USP10: variants seen among roughly 807,000 people sequenced by gnomAD.
USP10 encodes ubiquitin carboxyl-terminal hydrolase 10.
USP10 carries 22 observed loss-of-function variants against 84.5 expected under a neutral mutation model. That is an observed-to-expected ratio of 0.26 (90% confidence interval 0.19 to 0.37). The LOEUF (loss-of-function observed/expected upper bound fraction) is 0.37, where lower values mean the gene tolerates loss of function less well. Ranked by LOEUF, USP10 falls within the 10% of genes least tolerant of loss-of-function variation. The pLI is 1.00. For synonymous variants in USP10, 454 were observed against 387.6 expected (o/e 1.17, Z -2.01); for missense variants, 1,019 against 998.9 (o/e 1.02, Z -0.27).
At chr16:84,750,735 T>C (rs1246284715) in intron 4 of USP10, among the ~76,000 whole-genome samples, 1 of 152,246 alleles carries the variant, frequency 6.6e-6, no homozygotes, top group Non-Finnish European at 1.5e-5. Context: ...ATATTTTGTT[T>C]TAACAGAATA....
Position 84,745,069 on chromosome 16 carries a change from T to G in USP10, c.588T>G (p.Phe196Leu). Reference sequence around the variant, plus strand: ...GTGTCAGTGCAGAGGATGCAGAATTTATGGGTGACATGCCCCCGTCAGTTA... The same window carrying G: ...GTGTCAGTGCAGAGGATGCAGAATTGATGGGTGACATGCCCCCGTCAGTTA... ...PNSVSAEDAE[F>L]MGDMPPSVTP... The change falls in exon 4 of 14, where the codon TTT (phenylalanine) becomes TTG (leucine). Residue 196 changes from phenylalanine to leucine, a missense_variant. Around this residue, in one of 2 missense-constraint regions of USP10, gnomAD observed 787 missense variants for 708.8 expected, o/e 1.11. Coordinates refer to ENST00000219473, the MANE Select transcript of USP10 (RefSeq NM_005153.3). 6.2e-7 allele frequency: 1 copy of G among 1,613,692 alleles called. No individual in the cohort carries two copies. The highest frequency in any genetic ancestry group is 8.5e-7 in the Non-Finnish European group (1 of 1,179,640).
chr16:84,742,837 A>C (rs1225126347), intron 3 of USP10, among the ~76,000 whole-genome samples: 1 of 152,218 alleles, frequency 6.6e-6, no homozygotes, highest in East Asian at 1.9e-4. Flanking sequence ...ATTATAACAT[A>C]CTGAAATGGT....
intron 1 of USP10, among the ~76,000 whole-genome samples, chr16:84,714,859 A>T (rs981478591): frequency 6.6e-6 from 1 of 151,574 alleles, no homozygotes; most frequent in Non-Finnish European, 1.5e-5. Context: ...TTTAAAAGTA[A>T]TATCAAAAAC....
chr16:84,750,465 GACACCC>G (rs1911797187), intron 4 of USP10, among the ~76,000 whole-genome samples: 1 of 151,684 alleles, frequency 6.6e-6, no homozygotes, highest in African/African-American at 2.4e-5. Flanking sequence ...TGCAAAACGC[GACACCC>G]TTGTTAAGAG....
chr16:84,703,925 A>G (rs1905184435), intron 1 of USP10, among the ~76,000 whole-genome samples: 1 of 152,234 alleles, frequency 6.6e-6, no homozygotes, highest in Non-Finnish European at 1.5e-5. Flanking sequence ...TCACTAAAGC[A>G]AAAGTTAGGA....
intron 1 of USP10, among the ~76,000 whole-genome samples, chr16:84,717,274 C>T (rs1434863069): frequency 1.3e-5 from 2 of 152,102 alleles, no homozygotes; most frequent in Admixed American, 1.3e-4. Flanking sequence ...AATTCCCTTA[C>T]ATCAGTTTCT....
chr16:84,723,760 C>A (rs1043096373), intron 1 of USP10, among the ~76,000 whole-genome samples: 5 of 152,130 alleles, frequency 3.3e-5, no homozygotes, highest in Admixed American at 2.6e-4. Context: ...GTGAATTTCA[C>A]CCATTTAAAG....
chr16:84,736,033 C>A (rs1438939875), intron 2 of USP10, among the ~76,000 whole-genome samples: 1 of 151,190 alleles, frequency 6.6e-6, no homozygotes, highest in Non-Finnish European at 1.5e-5. Context: ...GAGGGCGTGT[C>A]ACTTGGACCT....
chr16:84,773,480 G>T (rs1031854643), intron 12 of USP10, among the ~76,000 whole-genome samples: 2 of 152,166 alleles, frequency 1.3e-5, no homozygotes, highest in African/African-American at 4.8e-5. Context: ...AGGAACTGTG[G>T]GCATGGCTGG....
At chr16:84,778,091 CTG>C (rs113716260) in intron 13 of USP10, among the ~76,000 whole-genome samples, 1,807 of 143,304 alleles carry the variant, frequency 0.013, 28 homozygotes, top group African/African-American at 0.036. Context: ...AAGTAAATAA[CTG>C]TGTGTGTGTG....
chr16:84,713,851 G>C (rs1474077392), intron 1 of USP10, among the ~76,000 whole-genome samples: 1 of 152,214 alleles, frequency 6.6e-6, no homozygotes, highest in African/African-American at 2.4e-5. Flanking sequence ...AGGCCAGCAG[G>C]GTCCCAAGAG....
intron 1 of USP10, among the ~76,000 whole-genome samples, chr16:84,724,032 C>G (rs1356671123): frequency 1.3e-5 from 2 of 152,182 alleles, no homozygotes; most frequent in Non-Finnish European, 2.9e-5. Context: ...TGAACTTCTA[C>G]TAGGGCTATC....
chr16:84,700,690 T>C (rs1025185674), intron 1 of USP10, among the ~76,000 whole-genome samples: 1 of 152,142 alleles, frequency 6.6e-6, no homozygotes, highest in African/African-American at 2.4e-5. Context: ...CAAAGAAAAC[T>C]CGAAATAAGT....
intron 4 of USP10, among the ~76,000 whole-genome samples, chr16:84,755,964 T>C (rs2150842009): frequency 6.6e-6 from 1 of 152,324 alleles, no homozygotes; most frequent in African/African-American, 2.4e-5. Flanking sequence ...TGGATAGCAC[T>C]GCTGCCCCAG....
intron 4 of USP10, among the ~76,000 whole-genome samples, chr16:84,749,122 G>C (rs1419600212): frequency 1.3e-5 from 2 of 152,182 alleles, no homozygotes; most frequent in African/African-American, 4.8e-5. Context: ...TAACCCTTGG[G>C]ATCATATAGG....
chr16:84,774,826 T>C (rs1914826321), intron 12 of USP10, among the ~76,000 whole-genome samples: 1 of 152,196 alleles, frequency 6.6e-6, no homozygotes, highest in African/African-American at 2.4e-5. Context: ...TGCCTTGGAT[T>C]TTTCACAACT....
chr16:84,720,528 G>A (rs1030127014), intron 1 of USP10, among the ~76,000 whole-genome samples: 2 of 150,192 alleles, frequency 1.3e-5, no homozygotes, highest in African/African-American at 4.9e-5. Flanking sequence ...CTTCAGAGTG[G>A]TGCACAGTTA....
chr16:84,747,968 C>T (rs1413173463), intron 4 of USP10, among the ~76,000 whole-genome samples: 2 of 151,478 alleles, frequency 1.3e-5, no homozygotes, highest in Admixed American at 6.6e-5. Context: ...CTGGCTAACA[C>T]GGTGAAACCC....
At chr16:84,769,321 G>T (rs950208989) in intron 11 of USP10, among the ~76,000 whole-genome samples, 1 of 152,128 alleles carries the variant, frequency 6.6e-6, no homozygotes, top group Non-Finnish European at 1.5e-5. Context: ...TAGCACCTTC[G>T]GGGTGTCCTG....
Sources: allele counts gnomAD v4.1 joint callset (sites outside exome capture counted in the v4.1 genomes callset), GRCh38; gene constraint gnomAD v4.1.1; regional missense constraint gnomAD v4.1.1; transcripts MANE v1.5; gene names NCBI Gene and HGNC (gene_info 2026-07-23, HGNC 2026-07-21).